The following KALRN variants were observed in gnomAD, a reference collection of about 807,000 sequenced individuals.
KALRN encodes the protein kalirin.
Under a neutral mutation model 353.7 loss-of-function variants are expected in KALRN, and 70 were observed. The observed-to-expected ratio is 0.20, with a 90% CI of 0.16 to 0.24. The LOEUF (loss-of-function observed/expected upper bound fraction) is 0.24, where lower values mean the gene tolerates loss of function less well. Ranked by LOEUF, KALRN falls within the 10% of genes least tolerant of loss-of-function variation. The probability of loss-of-function intolerance (pLI) is 1.00; values close to 1 mark genes in which losing one functional copy is unlikely to be tolerated. For missense variants in KALRN, 2,791 were observed against 3,756.7 expected, an observed-to-expected ratio of 0.74 and a Z score of 6.72; for synonymous variants, 1,391 against 1,434.8, an observed-to-expected ratio of 0.97 and a Z score of 0.69.
chr3:124,402,477 A>G (rs1284041802), intron 13 of KALRN, among the ~76,000 whole-genome samples: 3 of 152,236 alleles, frequency 2.0e-5, no homozygotes, highest in African/African-American at 7.2e-5. Context: ...CACCAAATAC[A>G]AATGTTTATT....
chr3:124,288,540 G>A (rs1056050847), intron 5 of KALRN, among the ~76,000 whole-genome samples: 1 of 152,198 alleles, frequency 6.6e-6, no homozygotes, highest in African/African-American at 2.4e-5. Flanking sequence ...GGTTGAGAGA[G>A]GCCTCAAATA....
chr3:124,428,557 A>G (rs971916344), intron 15 of KALRN, among the ~76,000 whole-genome samples: 2 of 152,194 alleles, frequency 1.3e-5, no homozygotes, highest in Admixed American at 6.5e-5. Flanking sequence ...TGCCAGTTCT[A>G]TGTCCAGGAC....
intron 29 of KALRN, 125 bp from the exon 30 acceptor site, chr3:124,490,569 A>G (rs1297664121): frequency 2.5e-6 from 2 of 803,776 alleles, no homozygotes; most frequent in South Asian, 1.8e-5. Context: ...TAGCAGAGAG[A>G]AAAAAACCCT....
intron 32 of KALRN, among the ~76,000 whole-genome samples, chr3:124,495,955 GTGTATGTATGTA>G (rs1218362477): frequency 1.5e-4 from 4 of 27,428 alleles, no homozygotes; most frequent in East Asian, 1.6e-3. Context: ...GTGTGTGTAT[GTGTATGTATGTA>G]TATATATATA....
chr3:124,493,711 A>G (rs2108489195), intron 32 of KALRN, among the ~76,000 whole-genome samples: 1 of 152,298 alleles, frequency 6.6e-6, no homozygotes, highest in East Asian at 1.9e-4. Flanking sequence ...CAGGGTAGGG[A>G]GCCATTTCAG....
chr3:124,134,300 A>T (rs930796200), intron 1 of KALRN, among the ~76,000 whole-genome samples: 7 of 152,234 alleles, frequency 4.6e-5, no homozygotes, highest in African/African-American at 1.7e-4. Flanking sequence ...CTTTTCAACA[A>T]ATGGTGCTGG....
intron 39 of KALRN, 37 bp from the exon 40 acceptor site, chr3:124,657,411 G>A (rs1255892700): frequency 6.7e-7 from 1 of 1,482,278 alleles, no homozygotes; most frequent in Non-Finnish European, 9.4e-7. Flanking sequence ...GCTTTCCTGT[G>A]AAAATATGCT....
At position 124,334,408 on chromosome 3, in the gene KALRN, G is replaced by T; in HGVS notation, c.1560G>T (p.Gln520His). 6.2e-7 allele frequency: 1 copy of T among 1,614,232 alleles called. No individual in the cohort carries two copies. ...LDVVHEVLHH[Q>H]RRLESIWQHR... is the part of the protein sequence containing the mutation. ...TGGTGCATGAGGTGTTACATCACCA[G>T]CGACGGCTGGAGAGCATCTGGCAGC... is the stretch of plus-strand genomic sequence containing the variant. The change falls in exon 9 of 60, where the codon CAG (glutamine) becomes CAT (histidine). Residue 520 changes from glutamine (Q) to histidine (H), a missense_variant. By Grantham distance (24) the Gln-to-His change is conservative. Around this residue, in one of 11 missense-constraint regions of KALRN, gnomAD observed 366 missense variants for 489.2 expected, o/e 0.75. Coordinates refer to ENST00000682506, the MANE Select transcript of KALRN (RefSeq NM_001388419.1). This position sits in a 1 kb window ranked among gnomAD's most constrained non-coding sequence, Gnocchi z 4.2.
chr3:124,708,726 C>T lies in KALRN; in HGVS notation c.8076-4209C>T, dbSNP rs2062754302. 2.0e-5 allele frequency among the ~76,000 whole-genome samples: 3 copies of T among 151,748 alleles called. No homozygotes were observed. The South Asian group carries it at 6.3e-4, about 32-fold the overall frequency. On this transcript the variant is annotated intron_variant, in intron 57 of 59. Coordinates refer to ENST00000682506, the MANE Select transcript of KALRN (RefSeq NM_001388419.1). Reference sequence around the variant, plus strand: ...GCAGAAAAAATTTTTGAAGAAATAACAACTGGAAATGTCCCAAATTTGGTA... The same window carrying T: ...GCAGAAAAAATTTTTGAAGAAATAATAACTGGAAATGTCCCAAATTTGGTA...
intron 34 of KALRN, among the ~76,000 whole-genome samples, chr3:124,608,937 G>A (rs142974061): frequency 9.5e-4 from 144 of 152,244 alleles, no homozygotes; most frequent in African/African-American, 2.9e-3. Flanking sequence ...TTTCTTGAGC[G>A]CTGGGAGCCT....
intron 22 of KALRN, among the ~76,000 whole-genome samples, chr3:124,455,737 G>T (rs1321700293): frequency 6.6e-6 from 1 of 152,172 alleles, no homozygotes. Flanking sequence ...AGAGTCCCCA[G>T]TATATATAAT....
intron 1 of KALRN, among the ~76,000 whole-genome samples, chr3:124,202,832 A>G (rs1157184867): frequency 6.6e-6 from 1 of 152,024 alleles, no homozygotes; most frequent in African/African-American, 2.4e-5. Flanking sequence ...ATTCCTGAGA[A>G]TCTTCTAGAG....
At chr3:124,496,866 G>C (rs562660139) in intron 33 of KALRN, among the ~76,000 whole-genome samples, 1 of 152,266 alleles carries the variant, frequency 6.6e-6, no homozygotes, top group African/African-American at 2.4e-5. Flanking sequence ...AAGATTAAAG[G>C]TTTGGGAAAT....
At chr3:124,439,084 G>A (rs761387410) in intron 18 of KALRN, 47 bp downstream of exon 18, 50 of 1,577,138 alleles carry the variant, frequency 3.2e-5, no homozygotes, top group Non-Finnish European at 3.3e-5. Flanking sequence ...GGCCTTGGCC[G>A]CCTTGTTCTT....
At chr3:124,515,431 T>C (rs938877958) in intron 33 of KALRN, among the ~76,000 whole-genome samples, 1 of 152,248 alleles carries the variant, frequency 6.6e-6, no homozygotes, top group East Asian at 1.9e-4. Flanking sequence ...CAAGTGCTTC[T>C]GGACAATGTG....
At chr3:124,311,211 G>T (rs1214543275) in intron 6 of KALRN, among the ~76,000 whole-genome samples, 5 of 151,498 alleles carry the variant, frequency 3.3e-5, no homozygotes, top group Non-Finnish European at 7.4e-5. Flanking sequence ...TATAATCGCA[G>T]CACTTTGGGA....
chr3:124,180,409 A>C (rs1257244830), intron 1 of KALRN, among the ~76,000 whole-genome samples: 1 of 151,992 alleles, frequency 6.6e-6, no homozygotes, highest in South Asian at 2.1e-4. Flanking sequence ...GCTTTCATCA[A>C]GAAAGGTAGA....
intron 6 of KALRN, among the ~76,000 whole-genome samples, chr3:124,301,676 T>C (rs1287065357): frequency 6.6e-6 from 1 of 152,200 alleles, no homozygotes; most frequent in East Asian, 1.9e-4. Flanking sequence ...AGATTCCTTT[T>C]CTCTGGCCTG....
chr3:124,185,861 G>A (rs1257209131), intron 1 of KALRN, among the ~76,000 whole-genome samples: 2 of 152,154 alleles, frequency 1.3e-5, no homozygotes, highest in Non-Finnish European at 2.9e-5. Flanking sequence ...CAAGGCCACT[G>A]GTATACTTGT....
Sources: gnomAD v4.1 joint callset for allele counts (sites outside exome capture counted in the v4.1 genomes callset) on GRCh38, gnomAD v4.1.1 for gene constraint, gnomAD v4.1.1 regional missense constraint, Gnocchi (gnomAD v3.1) non-coding constraint, MANE v1.5 for transcripts, NCBI Gene and HGNC (gene_info 2026-07-23, HGNC 2026-07-21) for gene names.